STX2: variants seen among roughly 807,000 people sequenced by gnomAD.
STX2 encodes the protein syntaxin 2, also known as syntaxin-2.
A neutral mutation model predicts 40.6 loss-of-function variants in STX2; 27 were observed. The observed-to-expected ratio is 0.66, with a 90% confidence interval of 0.49 to 0.92. The LOEUF is 0.92. Ranked by LOEUF, STX2 falls within the 40% of genes least tolerant of loss-of-function variation. STX2 has a pLI of 0.00. For synonymous variants in STX2, 123 were observed against 119.1 expected (o/e 1.03, Z -0.22); for missense variants, 328 against 366.1 (o/e 0.90, Z 0.85).
chr12:130,811,226 C>T (rs995098933), intron 4 of STX2, among the ~76,000 whole-genome samples: 26 of 151,792 alleles, frequency 1.7e-4, no homozygotes, highest in African/African-American at 5.1e-4. Context: ...GGCGTGGTGG[C>T]GGGCGCCTGT....
chr12:130,806,765 G>C (rs1300313152), intron 6 of STX2, among the ~76,000 whole-genome samples: 1 of 152,168 alleles, frequency 6.6e-6, no homozygotes, highest in Admixed American at 6.5e-5. Context: ...AAAAGCAACA[G>C]CAATGAGCAA....
chr12:130,833,204 G>C (rs1024347544), intron 1 of STX2, among the ~76,000 whole-genome samples: 3 of 152,086 alleles, frequency 2.0e-5, no homozygotes, highest in South Asian at 4.1e-4. Context: ...ACACAGACAA[G>C]GGGGAGGAGA....
At chr12:130,795,795 C>T (rs1408223667) in intron 10 of STX2, among the ~76,000 whole-genome samples, 200 bp downstream of exon 10, 1 of 152,094 alleles carries the variant, frequency 6.6e-6, no homozygotes, top group African/African-American at 2.4e-5. Context: ...AATGAGTTAC[C>T]GCCCAGCCTG....
At chr12:130,820,291 C>T (rs1952062893) in intron 3 of STX2, among the ~76,000 whole-genome samples, 2 of 152,184 alleles carry the variant, frequency 1.3e-5, no homozygotes, top group Non-Finnish European at 2.9e-5. Context: ...GAATTAATAA[C>T]TGATTAGGCA....
intron 1 of STX2, among the ~76,000 whole-genome samples, chr12:130,827,950 A>C (rs1462884212): frequency 6.6e-6 from 1 of 152,170 alleles, no homozygotes; most frequent in Non-Finnish European, 1.5e-5. Flanking sequence ...TCTAAAAACA[A>C]AACAAAACAA....
At position 130,801,489 on chromosome 12, in the gene STX2, C is replaced by A; in HGVS notation, c.464-1G>T. 1 of 1,597,758 alleles carries A rather than the reference C, an allele frequency of 6.3e-7. No homozygotes were observed. Among genetic ancestry groups the A allele is most frequent in the Non-Finnish European group, 8.5e-7 (1 of 1,172,668 alleles). On this transcript the variant is annotated splice_acceptor_variant, in intron 6 of 10. Coordinates refer to ENST00000392373, the MANE Select transcript of STX2 (RefSeq NM_194356.4). LOFTEE classifies it high-confidence loss of function. The stretch of plus-strand genomic sequence containing the variant: ...TCGTCGTCTGTGGTGGTTCTCCCAG[C>A]TGAAAGACCCGCAACCACAGCCCCA...
chr12:130,793,464 C>T (rs1950937608), intron 10 of STX2, among the ~76,000 whole-genome samples: 3 of 150,650 alleles, frequency 2.0e-5, no homozygotes, highest in Non-Finnish European at 2.9e-5. Context: ...ACGCAGCGTG[C>T]TCTCATCTCC....
chr12:130,800,951 G>GA (rs1176137135), intron 8 of STX2, among the ~76,000 whole-genome samples: 1 of 152,216 alleles, frequency 6.6e-6, no homozygotes, highest in Non-Finnish European at 1.5e-5. Context: ...TTAATCAACT[G>GA]AACCAGTCCC....
chr12:130,808,543 A>T (rs1951526061), intron 5 of STX2, 88 bp downstream of exon 5: 1 of 1,141,130 alleles, frequency 8.8e-7, no homozygotes. Context: ...CATGACAGTA[A>T]AGATGAAATT....
intron 2 of STX2, 115 bp downstream of exon 2, chr12:130,827,078 G>T: frequency 1.8e-6 from 1 of 571,130 alleles, no homozygotes; most frequent in Admixed American, 3.3e-5. Context: ...AGGGAGGGAG[G>T]GGTGGGGAGG....
intron 4 of STX2, among the ~76,000 whole-genome samples, chr12:130,811,245 C>T (rs540117552): frequency 2.0e-5 from 3 of 151,692 alleles, no homozygotes; most frequent in African/African-American, 7.3e-5. Context: ...GTAGTCCCAG[C>T]TACTCAGGAG....
intron 8 of STX2, among the ~76,000 whole-genome samples, chr12:130,800,473 T>A (rs192790323): frequency 2.0e-5 from 3 of 152,280 alleles, no homozygotes; most frequent in Admixed American, 2.0e-4. Context: ...TTCGGTTCAC[T>A]CAGAAGGGCC....
At chr12:130,805,781 A>G (rs530899012) in intron 6 of STX2, among the ~76,000 whole-genome samples, 3 of 152,340 alleles carry the variant, frequency 2.0e-5, no homozygotes, top group African/African-American at 7.2e-5. Context: ...CTCAAAATAC[A>G]GAAATACTCA....
Position 130,790,448 on chromosome 12 carries a change from T to C in STX2, c.*1575A>G, listed in dbSNP as rs994190174. 4.6e-5 allele frequency: 7 copies of C among 152,192 alleles called. No homozygotes were observed. Among genetic ancestry groups the C allele is most frequent in the African/African-American group, 1.7e-4 (7 of 41,434 alleles). The allele number at this position is 152,192 out of a possible 1,614,324, so 9.4% of individuals were successfully genotyped here. On this transcript the variant is annotated 3_prime_UTR_variant, in exon 11 of 11. Coordinates refer to ENST00000392373, the MANE Select transcript of STX2 (RefSeq NM_194356.4). ...CATCCTGCATGCACTCCTTTAACAT[T>C]CTGACTAGTGACTCTCTTAACAGAT...
rs1249065642 is a variant in STX2, at chr12:130,801,224, T to C, written c.604A>G (p.Met202Val). 4 of 1,614,098 alleles carry C rather than the reference T, an allele frequency of 2.5e-6. No homozygotes were observed. The highest frequency in any genetic ancestry group is 2.5e-6 in the Non-Finnish European group (3 of 1,179,964). ...TCTCGGATGCTGGTCTCCAGCTTCATGATGTCCTTGTGACGTGACTCGATT... is the reference window on the plus strand; with the variant it reads ...TCTCGGATGCTGGTCTCCAGCTTCACGATGTCCTTGTGACGTGACTCGATT... The part of the protein sequence containing the change: ...NEIESRHKDI[M>V]KLETSIRELH... Residue 202 changes from methionine to valine, a missense_variant, in exon 8 of 11, where the codon ATG becomes GTG. Physicochemically the swap from Met to Val is conservative, Grantham distance 21. Coordinates refer to ENST00000392373, the MANE Select transcript of STX2 (RefSeq NM_194356.4).
rs1466055686 is a variant in STX2, at chr12:130,799,688, C to A, written c.676-1053G>T. On this transcript the variant is annotated intron_variant, in intron 8 of 10. Coordinates refer to ENST00000392373, the MANE Select transcript of STX2 (RefSeq NM_194356.4). ...CATTAGCCGGGCGTAGTGGTGCAAA[C>A]CTGTGGTCCCAGCTACTCGGGAGGC... 2.0e-5 allele frequency among the ~76,000 whole-genome samples: 3 copies of A among 152,152 alleles called. No individual in the cohort carries two copies. The South Asian group carries it at 6.2e-4, about 32-fold the overall frequency.
intron 9 of STX2, 72 bp from the exon 10 acceptor site, chr12:130,796,192 C>A: frequency 1.6e-5 from 25 of 1,581,036 alleles, no homozygotes; most frequent in East Asian, 2.3e-5. Context: ...AGACATCCTT[C>A]ATTTAAAATA....
intron 1 of STX2, 120 bp from the exon 2 acceptor site, chr12:130,827,387 T>G (rs183636673): frequency 1.0e-4 from 72 of 705,280 alleles, no homozygotes; most frequent in African/African-American, 8.8e-4. Context: ...CACCAAATTG[T>G]AACAGACTAG....
At chr12:130,827,615 T>A (rs1373988801) in intron 1 of STX2, among the ~76,000 whole-genome samples, 3 of 152,252 alleles carry the variant, frequency 2.0e-5, no homozygotes, top group Non-Finnish European at 4.4e-5. Context: ...ATATTTTCCA[T>A]AAACAGTAAA....
Sources: gnomAD v4.1 joint callset for allele counts (sites outside exome capture counted in the v4.1 genomes callset) on GRCh38, gnomAD v4.1.1 for gene constraint, MANE v1.5 for transcripts, NCBI Gene and HGNC (gene_info 2026-07-23, HGNC 2026-07-21) for gene names.